Variants in SPATS2L observed in about 807,000 individuals in gnomAD.
The protein encoded by SPATS2L is spermatogenesis associated serine rich 2 like, also known as SPATS2-like protein.
Under a neutral mutation model 59.6 loss-of-function variants are expected in SPATS2L, and 30 were observed. The observed-to-expected ratio is 0.50, with a 90% CI of 0.38 to 0.68. The LOEUF (loss-of-function observed/expected upper bound fraction) is 0.68. SPATS2L is among the 30% of genes least tolerant of loss of function. SPATS2L has a pLI of 0.00. For missense variants in SPATS2L, 615 were observed against 700.0 expected (o/e 0.88, Z 1.37); for synonymous variants, 252 against 263.5 (o/e 0.96, Z 0.42).
At chr2:200,439,796 C>A (rs2084563625) in intron 7 of SPATS2L, among the ~76,000 whole-genome samples, 1 of 152,202 alleles carries the variant, frequency 6.6e-6, no homozygotes, top group Admixed American at 6.5e-5. Context: ...AGAATTTACA[C>A]ACAATGTAAC....
chr2:200,462,821 G>C (rs2086332146), intron 9 of SPATS2L, among the ~76,000 whole-genome samples: 1 of 152,130 alleles, frequency 6.6e-6, no homozygotes, highest in South Asian at 2.1e-4. Context: ...AGCTATTCTA[G>C]AGGATGAGAG....
Position 200,351,900 on chromosome 2 carries a change from A to G in SPATS2L, c.-23+22420A>G, listed in dbSNP as rs115238221. 1.4e-3 allele frequency among the ~76,000 whole-genome samples: 215 copies of G among 152,150 alleles called. 2 individuals carry two copies. The highest frequency in any genetic ancestry group is 2.2e-3 in the Non-Finnish European group (148 of 68,004). On this transcript the variant is annotated intron_variant, in intron 2 of 12. Transcript: ENST00000409140. ...GTGCCATTTCAGTTCTATCTTGTCA[A>G]TCTGTTTGAGTGTTGTTCAGTTAAT...
Position 200,419,398 on chromosome 2 carries a change from C to T in SPATS2L, c.347C>T (p.Ser116Leu), listed in dbSNP as rs768949251. The T allele has an allele frequency of 2.5e-6, 4 of 1,613,496 alleles. No homozygotes were observed. The highest frequency in any genetic ancestry group is 3.4e-6 in the Non-Finnish European group (4 of 1,179,722). ...ATGAATGGCTGCGAGAAGGACAGCTCGTCCACAGATTCTGCTAACGAAAAA... is the reference window on the plus strand; with the variant it reads ...ATGAATGGCTGCGAGAAGGACAGCTTGTCCACAGATTCTGCTAACGAAAAA... ...GPMNGCEKDS[S>L]STDSANEKPA... Residue 116 changes from serine to leucine, a missense_variant, in exon 6 of 13, where the codon TCG becomes TTG. Ser to Leu is a moderately radical substitution (Grantham distance 145). Around this residue, in one of 3 missense-constraint regions of SPATS2L, gnomAD observed 227 missense variants for 257.4 expected, o/e 0.88. Transcript: ENST00000409140.
intron 2 of SPATS2L, among the ~76,000 whole-genome samples, chr2:200,335,950 A>G (rs2080128412): frequency 6.6e-6 from 1 of 152,180 alleles, no homozygotes; most frequent in Non-Finnish European, 1.5e-5. Flanking sequence ...GGGGCTTCCT[A>G]GTGGCTTCCC....
intron 2 of SPATS2L, among the ~76,000 whole-genome samples, chr2:200,359,045 C>T (rs1033386573): frequency 1.3e-5 from 2 of 151,954 alleles, no homozygotes; most frequent in Admixed American, 1.3e-4. Context: ...AGAGGCTGAG[C>T]CCCAAGCTTT....
chr2:200,325,790 T>C (rs1364633964), intron 1 of SPATS2L, among the ~76,000 whole-genome samples: 1 of 152,222 alleles, frequency 6.6e-6, no homozygotes, highest in Admixed American at 6.5e-5. Context: ...TTTCTGGAAG[T>C]CACCTATTAC....
At chr2:200,347,950 T>G (rs2080574903) in intron 2 of SPATS2L, among the ~76,000 whole-genome samples, 1 of 152,228 alleles carries the variant, frequency 6.6e-6, no homozygotes, top group African/African-American at 2.4e-5. Context: ...TAACTTCTCT[T>G]TCCATTATCA....
At chr2:200,327,175 G>C (rs889181095) in intron 1 of SPATS2L, among the ~76,000 whole-genome samples, 1 of 151,886 alleles carries the variant, frequency 6.6e-6, no homozygotes, top group African/African-American at 2.4e-5. Context: ...AGGCCGAGGA[G>C]GGCAGATCTC....
At chr2:200,371,757 T>C (rs1335149008) in intron 2 of SPATS2L, among the ~76,000 whole-genome samples, 1 of 152,148 alleles carries the variant, frequency 6.6e-6, no homozygotes, top group Non-Finnish European at 1.5e-5. Context: ...GGATGTTGAG[T>C]TCAGTGTTGA....
intron 1 of SPATS2L, among the ~76,000 whole-genome samples, chr2:200,327,646 TAAAG>T (rs967184422): frequency 3.3e-5 from 5 of 152,240 alleles, no homozygotes; most frequent in African/African-American, 1.2e-4. Flanking sequence ...TTGTGGGGCA[TAAAG>T]AAAATTAGAA....
upstream of SPATS2L, chr2:200,306,314 G>T: frequency 1.0e-6 from 1 of 1,002,368 alleles, no homozygotes; most frequent in Non-Finnish European, 1.2e-6. Flanking sequence ...TGATTCTCTT[G>T]CAACACGTGC....
chr2:200,455,444 C>T (rs2085767001), intron 8 of SPATS2L, among the ~76,000 whole-genome samples: 1 of 152,158 alleles, frequency 6.6e-6, no homozygotes, highest in East Asian at 1.9e-4. Flanking sequence ...CTTGCTCCTC[C>T]TGGGATGTCA....
intron 3 of SPATS2L, chr2:200,390,533 A>G (rs1467442655): frequency 6.6e-6 from 1 of 152,448 alleles, no homozygotes; most frequent in African/African-American, 2.4e-5. Context: ...GAAAGAAACA[A>G]CCATACAAAG....
intron 3 of SPATS2L, among the ~76,000 whole-genome samples, chr2:200,397,075 G>A (rs141090541): frequency 1.3e-5 from 2 of 152,304 alleles, no homozygotes; most frequent in Non-Finnish European, 1.5e-5. Flanking sequence ...TACTATTGTA[G>A]GATTAGCATC....
chr2:200,307,615 A>G (rs2079068054), intron 1 of SPATS2L, among the ~76,000 whole-genome samples: 1 of 152,190 alleles, frequency 6.6e-6, no homozygotes, highest in African/African-American at 2.4e-5. Flanking sequence ...CCCCAGCGGG[A>G]GACGGGGTTG....
chr2:200,418,404 A>G (rs921894536), intron 5 of SPATS2L, among the ~76,000 whole-genome samples: 3 of 152,032 alleles, frequency 2.0e-5, no homozygotes, highest in Non-Finnish European at 2.9e-5. Context: ...GAGACCCTGT[A>G]TCTACAAAAC....
At chr2:200,420,898 C>T (rs940138959) in intron 6 of SPATS2L, among the ~76,000 whole-genome samples, 2 of 152,158 alleles carry the variant, frequency 1.3e-5, no homozygotes, top group Admixed American at 6.5e-5. Flanking sequence ...CGCCAACACA[C>T]ACACACACAA....
At position 200,403,806 on chromosome 2, in the gene SPATS2L, C is replaced by T. The variant is rs2082606693; in HGVS notation, c.40-8505C>T. ...ATCTGTGCAGTCCAGCACCATGGACCCACAGGCCTGCTCAGCATTCCATCA... is the reference window on the plus strand; with the variant it reads ...ATCTGTGCAGTCCAGCACCATGGACTCACAGGCCTGCTCAGCATTCCATCA... On this transcript the variant is annotated intron_variant, in intron 3 of 12. Transcript: ENST00000409140. Among the ~76,000 whole-genome samples, 3 of 152,190 alleles carry T rather than the reference C, an allele frequency of 2.0e-5. No homozygotes were observed. The South Asian group carries it at 6.2e-4, about 32-fold the overall frequency.
At chr2:200,468,378 A>ACACACACACACACACACACACACACACG (rs1187268085) in intron 10 of SPATS2L, among the ~76,000 whole-genome samples, 7 of 151,398 alleles carry the variant, frequency 4.6e-5, no homozygotes, top group Admixed American at 6.6e-5. Context: ...ACACACACAC[A>ACACACACACACACACACACACACACACG]CGCCTTCCAG....
Sources: gnomAD v4.1 joint callset for allele counts (sites outside exome capture counted in the v4.1 genomes callset) on GRCh38, gnomAD v4.1.1 for gene constraint, gnomAD v4.1.1 regional missense constraint, MANE v1.5 for transcripts, NCBI Gene and HGNC (gene_info 2026-07-23, HGNC 2026-07-21) for gene names.